TMEM132D: variants seen among roughly 807,000 people sequenced by gnomAD.
TMEM132D encodes transmembrane protein 132D.
TMEM132D carries 21 observed loss-of-function variants against 62.3 expected under a neutral mutation model. That is an observed-to-expected ratio of 0.34 (90% CI 0.24 to 0.49). The LOEUF is 0.49. Among genes scored for constraint, TMEM132D ranks in the 20% least tolerant of loss-of-function variants. The pLI, the probability that TMEM132D is intolerant of heterozygous loss-of-function variation, is 0.99. For synonymous variants in TMEM132D, 621 were observed against 575.6 expected (o/e 1.08, Z -1.13); for missense variants, 1,346 against 1,402.8 (o/e 0.96, Z 0.65).
At chr12:129,598,538 G>C (rs938210584) in intron 2 of TMEM132D, among the ~76,000 whole-genome samples, 1 of 152,104 alleles carries the variant, frequency 6.6e-6, no homozygotes, top group South Asian at 2.1e-4. Flanking sequence ...ACCGGCAATA[G>C]TGGCAGAAAA....
chr12:129,774,518 G>A (rs891442597), intron 1 of TMEM132D, among the ~76,000 whole-genome samples: 31 of 152,270 alleles, frequency 2.0e-4, no homozygotes, highest in African/African-American at 5.1e-4. Flanking sequence ...CAATCACGTC[G>A]GTTGTGGGAT....
At chr12:129,460,194 C>T (rs1391195445) in intron 3 of TMEM132D, among the ~76,000 whole-genome samples, 3 of 152,186 alleles carry the variant, frequency 2.0e-5, no homozygotes, top group Non-Finnish European at 4.4e-5. Flanking sequence ...CAAATGTTAA[C>T]TTTGATGCTG....
intron 3 of TMEM132D, among the ~76,000 whole-genome samples, chr12:129,376,014 T>G (rs1462991366): frequency 6.6e-6 from 1 of 152,124 alleles, no homozygotes; most frequent in Non-Finnish European, 1.5e-5. Context: ...GTTAAACATT[T>G]TTGGGCAGAA....
intron 3 of TMEM132D, among the ~76,000 whole-genome samples, chr12:129,472,611 A>G (rs1191204108): frequency 6.6e-6 from 1 of 152,160 alleles, no homozygotes; most frequent in Non-Finnish European, 1.5e-5. Flanking sequence ...CAAACAAACA[A>G]AAAACAACCC....
chr12:129,666,691 C>A (rs371603819), intron 2 of TMEM132D, among the ~76,000 whole-genome samples: 1 of 152,142 alleles, frequency 6.6e-6, no homozygotes, highest in Non-Finnish European at 1.5e-5. Flanking sequence ...TCATTTCTAT[C>A]TGATGTCCTA....
At chr12:129,814,805 G>A (rs1207166788) in intron 1 of TMEM132D, among the ~76,000 whole-genome samples, 2 of 151,862 alleles carry the variant, frequency 1.3e-5, no homozygotes, top group Non-Finnish European at 1.5e-5. Flanking sequence ...CTCCTCCCAG[G>A]ACTGTTGCCC....
chr12:129,832,494 G>A (rs1315814239), intron 1 of TMEM132D, among the ~76,000 whole-genome samples: 2 of 152,090 alleles, frequency 1.3e-5, no homozygotes, highest in Non-Finnish European at 2.9e-5. Flanking sequence ...AAACCATGGA[G>A]CCTGTTTGTT....
chr12:129,555,170 C>T (rs976473119), intron 2 of TMEM132D, among the ~76,000 whole-genome samples: 1 of 152,176 alleles, frequency 6.6e-6, no homozygotes, highest in African/African-American at 2.4e-5. Flanking sequence ...GCTGATTGCA[C>T]AGAATTTAGT....
intron 4 of TMEM132D, among the ~76,000 whole-genome samples, chr12:129,299,728 G>GA (rs1881664200): frequency 6.6e-6 from 1 of 150,678 alleles, no homozygotes; most frequent in African/African-American, 2.4e-5. Flanking sequence ...TTACTGCTGA[G>GA]AAAAAAGGGA....
chr12:129,566,647 C>T (rs542724127), intron 2 of TMEM132D, among the ~76,000 whole-genome samples: 4 of 152,334 alleles, frequency 2.6e-5, no homozygotes, highest in African/African-American at 9.6e-5. Context: ...CCCTGCAAAG[C>T]TGTCTCTGGT....
chr12:129,644,878 C>T (rs903272752), intron 2 of TMEM132D, among the ~76,000 whole-genome samples: 14 of 143,324 alleles, frequency 9.8e-5, no homozygotes, highest in African/African-American at 3.6e-4. Context: ...CCCAGCTACT[C>T]GGGAGGCTGA....
intron 4 of TMEM132D, among the ~76,000 whole-genome samples, chr12:129,218,389 T>A (rs554035878): frequency 2.0e-5 from 3 of 152,298 alleles, no homozygotes; most frequent in Admixed American, 2.0e-4. Flanking sequence ...CAGAGCATAC[T>A]ACACACCTGG....
rs762471493 is a variant in TMEM132D at position 129,082,056 on chromosome 12, G to A, written c.1650-24C>T. The A allele has an allele frequency of 5.1e-6, 8 of 1,579,434 alleles. No homozygotes were observed. In the East Asian group the frequency reaches 1.1e-4, roughly 22 times the overall value. On this transcript the variant is annotated intron_variant, in intron 6 of 8. Coordinates refer to ENST00000422113, the MANE Select transcript of TMEM132D (RefSeq NM_133448.3). ...GCCTGTGAAAGAAGCAGTGCAGTTT[G>A]CAGACAGTTACTTGTTGGTCCTCTG...
intron 1 of TMEM132D, among the ~76,000 whole-genome samples, chr12:129,782,099 C>G (rs539671129): frequency 3.9e-5 from 6 of 152,246 alleles, no homozygotes; most frequent in African/African-American, 1.4e-4. Flanking sequence ...GGCTGAGTAT[C>G]CCTTACCCGA....
chr12:129,384,360 GA>G (rs1871044164), intron 3 of TMEM132D, among the ~76,000 whole-genome samples: 3 of 152,100 alleles, frequency 2.0e-5, no homozygotes, highest in Admixed American at 1.3e-4. Context: ...AATCACAAAA[GA>G]CAAAATAAAT....
intron 2 of TMEM132D, among the ~76,000 whole-genome samples, chr12:129,652,927 CCACT>C (rs1344941120): frequency 2.0e-5 from 3 of 152,178 alleles, no homozygotes; most frequent in African/African-American, 4.8e-5. Flanking sequence ...CACATCCCAC[CCACT>C]GTCTCAGAAG....
intron 1 of TMEM132D, among the ~76,000 whole-genome samples, 159 bp from the exon 2 acceptor site, chr12:129,700,857 ATTAT>A (rs763283085): frequency 2.6e-5 from 4 of 152,330 alleles, no homozygotes; most frequent in Admixed American, 6.5e-5. Context: ...CTCGCTTCAT[ATTAT>A]TTGTTTCAGA....
chr12:129,687,464 C>T (rs1441381056), intron 2 of TMEM132D, among the ~76,000 whole-genome samples: 1 of 151,950 alleles, frequency 6.6e-6, no homozygotes, highest in Non-Finnish European at 1.5e-5. Context: ...GTAGTTGTCC[C>T]ACATTGGTGC....
At chr12:129,266,751 C>T (rs1184184960) in intron 4 of TMEM132D, among the ~76,000 whole-genome samples, 1 of 151,908 alleles carries the variant, frequency 6.6e-6, no homozygotes, top group South Asian at 2.1e-4. Flanking sequence ...AGCCAACCTC[C>T]TACATCCAAT....
Sources: allele counts gnomAD v4.1 joint callset (sites outside exome capture counted in the v4.1 genomes callset), GRCh38; gene constraint gnomAD v4.1.1; transcripts MANE v1.5; gene names NCBI Gene and HGNC (gene_info 2026-07-23, HGNC 2026-07-21).